JAKMIP3: variants seen among roughly 807,000 people sequenced by gnomAD.
JAKMIP3 encodes the protein janus kinase and microtubule-interacting protein 3.
JAKMIP3 carries 58 observed loss-of-function variants against 118.5 expected under a neutral mutation model. That is an observed-to-expected ratio of 0.49 (90% CI 0.40 to 0.61). The LOEUF is 0.61. Ranked by LOEUF, JAKMIP3 falls within the 20% of genes least tolerant of loss-of-function variation. The pLI is 0.00. For synonymous variants in JAKMIP3, 486 were observed against 451.2 expected (o/e 1.08, Z -0.98); for missense variants, 950 against 1,109.0 (o/e 0.86, Z 2.04).
intron 3 of JAKMIP3, among the ~76,000 whole-genome samples, chr10:132,127,673 T>C: frequency 6.6e-6 from 1 of 152,066 alleles, no homozygotes; most frequent in Non-Finnish European, 1.5e-5. Flanking sequence ...CCCTGTTCCT[T>C]TTTTTTCCCT....
At chr10:132,130,262 C>G (rs1176063450) in intron 3 of JAKMIP3, among the ~76,000 whole-genome samples, 1 of 152,234 alleles carries the variant, frequency 6.6e-6, no homozygotes, top group Non-Finnish European at 1.5e-5. Context: ...CCATCTCCCC[C>G]ACCCATTCTA....
chr10:132,061,690 G>A (rs888963115), upstream of JAKMIP3, among the ~76,000 whole-genome samples: 28 of 152,174 alleles, frequency 1.8e-4, no homozygotes, highest in African/African-American at 5.5e-4. Context: ...CGGGGCTCTC[G>A]ACGAGGAAGG....
intron 14 of JAKMIP3, among the ~76,000 whole-genome samples, chr10:132,148,835 T>TA (rs1279242943): frequency 1.3e-5 from 2 of 152,104 alleles, no homozygotes; most frequent in Non-Finnish European, 2.9e-5. Flanking sequence ...GGGCCGCCCC[T>TA]GCCGAGCACC....
At chr10:132,141,617 C>T (rs1321897386) in intron 10 of JAKMIP3, among the ~76,000 whole-genome samples, 1 of 152,266 alleles carries the variant, frequency 6.6e-6, no homozygotes, top group East Asian at 1.9e-4. Flanking sequence ...AGCTGAGCCC[C>T]TGGCCATGGC....
At chr10:132,171,652 CTT>C (rs34371364) in intron 23 of JAKMIP3, among the ~76,000 whole-genome samples, 81 of 135,666 alleles carry the variant, frequency 6.0e-4, no homozygotes, top group South Asian at 7.0e-4. Context: ...TTTTTTCTTT[CTT>C]TTTTTTTTTT....
At chr10:132,042,965 G>A (rs1279613333) in intron 1 of JAKMIP3, among the ~76,000 whole-genome samples, 7 of 151,186 alleles carry the variant, frequency 4.6e-5, no homozygotes, top group Admixed American at 4.0e-4. Context: ...ATGGTGGCAC[G>A]TTCTTGAGGT....
At chr10:132,091,539 T>A (rs1195418356) in intron 1 of JAKMIP3, among the ~76,000 whole-genome samples, 1 of 152,228 alleles carries the variant, frequency 6.6e-6, no homozygotes, top group Non-Finnish European at 1.5e-5. Context: ...GTCTTCTTTG[T>A]CTCTTTTGAT....
chr10:132,140,735 C>T (rs9733882), intron 10 of JAKMIP3, among the ~76,000 whole-genome samples, 156 bp downstream of exon 10: 3,509 of 152,216 alleles, frequency 0.023, 59 homozygotes, highest in Non-Finnish European at 0.035. Context: ...CCCTTCGCGG[C>T]CCTCACTGGC....
At chr10:132,140,691 G>T (rs1205464073) in intron 10 of JAKMIP3, 112 bp downstream of exon 10, 4 of 1,476,224 alleles carry the variant, frequency 2.7e-6, no homozygotes, top group Non-Finnish European at 3.6e-6. Flanking sequence ...CCTGGGCTTG[G>T]CTGGGCATGG....
intron 1 of JAKMIP3, among the ~76,000 whole-genome samples, chr10:132,040,952 G>A (rs2037724726): frequency 1.3e-5 from 2 of 152,186 alleles, no homozygotes; most frequent in Non-Finnish European, 2.9e-5. Context: ...TTCTGTGCCT[G>A]GCTTATTTCA....
At chr10:132,073,212 G>A (rs1464776001) in intron 1 of JAKMIP3, among the ~76,000 whole-genome samples, 4 of 152,138 alleles carry the variant, frequency 2.6e-5, no homozygotes, top group Non-Finnish European at 5.9e-5. Context: ...CTGAGATGGT[G>A]TCTTGCTCTT....
intron 1 of JAKMIP3, among the ~76,000 whole-genome samples, chr10:132,050,228 C>G (rs1462946324): frequency 1.3e-5 from 2 of 152,180 alleles, no homozygotes; most frequent in Non-Finnish European, 2.9e-5. Flanking sequence ...AGCTCACAGC[C>G]CATTTCCTGG....
At chr10:132,132,460 G>T (rs1388433136) in intron 3 of JAKMIP3, among the ~76,000 whole-genome samples, 1 of 152,206 alleles carries the variant, frequency 6.6e-6, no homozygotes, top group Non-Finnish European at 1.5e-5. Context: ...CTGCCCGGAA[G>T]CGGGGCGGGG....
chr10:132,176,714 G>A (rs969224385), intron 23 of JAKMIP3, among the ~76,000 whole-genome samples: 2 of 152,066 alleles, frequency 1.3e-5, no homozygotes, highest in Non-Finnish European at 2.9e-5. Flanking sequence ...ACTCTGCAGG[G>A]ATTCAGCCAT....
intron 3 of JAKMIP3, among the ~76,000 whole-genome samples, chr10:132,124,179 G>A (rs1243045034): frequency 3.3e-5 from 5 of 152,258 alleles, no homozygotes; most frequent in Admixed American, 3.3e-4. Flanking sequence ...GGGCCCAGCA[G>A]GATTGCCCCT....
chr10:132,113,063 C>G (rs1015985954), intron 2 of JAKMIP3, among the ~76,000 whole-genome samples: 1 of 152,172 alleles, frequency 6.6e-6, no homozygotes, highest in African/African-American at 2.4e-5. Context: ...TGCTGTATAT[C>G]CCTGGTCTGA....
chr10:132,168,297 G>T lies in JAKMIP3; in HGVS notation c.*367G>T, dbSNP rs2059151139. 1 of 1,289,524 alleles carries T rather than the reference G, an allele frequency of 7.8e-7. No individual in the cohort carries two copies. The highest frequency in any genetic ancestry group is 1.0e-6 in the Non-Finnish European group (1 of 988,808). 79.9% of individuals were successfully genotyped at this position (1,289,524 alleles called of 1,614,324 possible). ...GGGTGAGAACTGCTTCTGTGCAGAA[G>T]CACCAGCCGCGGGTCCCCTCCTCTC... On this transcript the variant is annotated 3_prime_UTR_variant, in exon 23 of 24. Coordinates refer to ENST00000684848, the MANE Select transcript of JAKMIP3 (RefSeq NM_001323087.2).
At chr10:132,088,213 G>T (rs536730680) in intron 1 of JAKMIP3, among the ~76,000 whole-genome samples, 2 of 152,104 alleles carry the variant, frequency 1.3e-5, no homozygotes, top group Non-Finnish European at 2.9e-5. Context: ...AATCCTTTGG[G>T]TATATACCCA....
intron 20 of JAKMIP3, among the ~76,000 whole-genome samples, chr10:132,163,979 G>C (rs1233080747): frequency 6.6e-6 from 1 of 152,242 alleles, no homozygotes; most frequent in Non-Finnish European, 1.5e-5. Flanking sequence ...TGGCCTGGAT[G>C]TGTAGGACAC....
Sources: allele counts gnomAD v4.1 joint callset (sites outside exome capture counted in the v4.1 genomes callset), GRCh38; gene constraint gnomAD v4.1.1; transcripts MANE v1.5; gene names NCBI Gene and HGNC (gene_info 2026-07-23, HGNC 2026-07-21).